Variants in PCDH11X observed in about 807,000 individuals in gnomAD.
PCDH11X encodes the protein protocadherin-11 X-linked.
PCDH11X carries 18 observed loss-of-function variants against 53.3 expected under a neutral mutation model. The observed-to-expected ratio is 0.34, with a 90% CI of 0.23 to 0.50. PCDH11X has a LOEUF of 0.50. Ranked by LOEUF, PCDH11X falls within the 20% of genes least tolerant of loss-of-function variation. The pLI is 0.98. For missense variants in PCDH11X, 570 were observed against 1,032.4 expected, an observed-to-expected ratio of 0.55 and a Z score of 6.14; for synonymous variants, 279 against 393.3, an observed-to-expected ratio of 0.71 and a Z score of 3.44.
intron 5 of PCDH11X, among the ~76,000 whole-genome samples, chrX:91,858,987 T>C (rs1938505424): frequency 9.2e-6 from 1 of 108,778 alleles, no homozygotes; most frequent in Non-Finnish European, 1.9e-5. Flanking sequence ...AGTACCAGTT[T>C]ACTGTATCAG....
chrX:92,365,300 ATAGT>A (rs1406193887), intron 8 of PCDH11X, among the ~76,000 whole-genome samples: 2 of 105,156 alleles, frequency 1.9e-5, no homozygotes, highest in African/African-American at 3.5e-5. Flanking sequence ...AACCAATAAC[ATAGT>A]TATTTATTAT....
chrX:92,245,827 A>C (rs1302466643), intron 7 of PCDH11X, among the ~76,000 whole-genome samples: 1 of 112,054 alleles, frequency 8.9e-6, no homozygotes, highest in Non-Finnish European at 1.9e-5. Context: ...GTAGAGACCT[A>C]AAATGGTTGA....
intron 6 of PCDH11X, among the ~76,000 whole-genome samples, chrX:92,104,799 GGATTGGGGTGCAGAGATAAGA>G (rs2064339739): frequency 1.8e-5 from 2 of 110,338 alleles, no homozygotes; most frequent in Non-Finnish European, 3.8e-5. Context: ...CGGAAATAAG[GGATTGGGGTGCAGAGATAAGA>G]GATTGGGGCG....
At chrX:92,542,032 C>T (rs2074767771) in intron 10 of PCDH11X, among the ~76,000 whole-genome samples, 1 of 111,705 alleles carries the variant, frequency 9.0e-6, no homozygotes, top group Non-Finnish European at 1.9e-5. Context: ...ATACAATTCT[C>T]TGTATTACTT....
chrX:92,112,264 T>C (rs1273957508), intron 6 of PCDH11X, among the ~76,000 whole-genome samples: 1 of 106,905 alleles, frequency 9.4e-6, no homozygotes, highest in African/African-American at 3.4e-5. Flanking sequence ...AGCTACATCA[T>C]AGCAGGCAGG....
At chrX:92,240,742 T>G (rs750536356) in intron 7 of PCDH11X, among the ~76,000 whole-genome samples, 1 of 112,097 alleles carries the variant, frequency 8.9e-6, no homozygotes, top group East Asian at 2.8e-4. Context: ...TTTGGTCAAC[T>G]TTCCCAATCA....
chrX:92,523,138 G>A (rs1356649785), intron 10 of PCDH11X, among the ~76,000 whole-genome samples: 4 of 111,861 alleles, frequency 3.6e-5, no homozygotes, highest in Non-Finnish European at 7.5e-5. Context: ...ACATCAAAGC[G>A]ACAGGCAATC....
intron 8 of PCDH11X, among the ~76,000 whole-genome samples, chrX:92,305,783 G>A (rs2068815138): frequency 9.0e-6 from 1 of 111,149 alleles, no homozygotes; most frequent in African/African-American, 3.3e-5. Context: ...TTGAATGACA[G>A]AGGTACATTC....
intron 6 of PCDH11X, among the ~76,000 whole-genome samples, chrX:92,059,061 C>T (rs2063490155): frequency 9.3e-6 from 1 of 107,191 alleles, no homozygotes; most frequent in Middle Eastern, 4.8e-3. Flanking sequence ...TGATATGATG[C>T]TTCCACAGAG....
intron 10 of PCDH11X, among the ~76,000 whole-genome samples, chrX:92,563,047 G>GTTTTTTTTT (rs61411325): frequency 4.6e-5 from 2 of 43,875 alleles, no homozygotes; most frequent in African/African-American, 9.6e-5. Context: ...CCTTGGTACC[G>GTTTTTTTTT]TTTTTTTTTT....
chrX:92,575,989 TA>T, intron 10 of PCDH11X, among the ~76,000 whole-genome samples: 1 of 39,452 alleles, frequency 2.5e-5, no homozygotes, highest in Admixed American at 2.7e-4. Flanking sequence ...TATATATATA[TA>T]TATATATATA....
chrX:91,846,357 C>T (rs1339647263), intron 5 of PCDH11X, among the ~76,000 whole-genome samples: 1 of 111,257 alleles, frequency 9.0e-6, no homozygotes, highest in African/African-American at 3.3e-5. Context: ...GTGGCTCATG[C>T]CTGTAATCAC....
chrX:92,568,483 A>G (rs1253666904), intron 10 of PCDH11X, among the ~76,000 whole-genome samples: 1 of 108,669 alleles, frequency 9.2e-6, no homozygotes, highest in African/African-American at 3.4e-5. Flanking sequence ...CAATATTCAG[A>G]ATAATTAGAA....
chrX:91,926,644 A>G (rs1024016803), intron 6 of PCDH11X, among the ~76,000 whole-genome samples: 5 of 110,856 alleles, frequency 4.5e-5, no homozygotes, highest in Non-Finnish European at 9.5e-5. Flanking sequence ...ATTGTAATAG[A>G]GTTTTTTGCA....
At chrX:92,089,624 A>G (rs1339208681) in intron 6 of PCDH11X, among the ~76,000 whole-genome samples, 1 of 107,007 alleles carries the variant, frequency 9.3e-6, no homozygotes, top group African/African-American at 3.4e-5. Context: ...CCGGGTTCAA[A>G]CGATTCTCCT....
At chrX:92,273,238 G>A (rs1024226003) in intron 8 of PCDH11X, among the ~76,000 whole-genome samples, 5 of 109,221 alleles carry the variant, frequency 4.6e-5, no homozygotes, top group Non-Finnish European at 9.5e-5. Context: ...GAAGGTAATG[G>A]AAAATTACAG....
intron 6 of PCDH11X, among the ~76,000 whole-genome samples, chrX:92,122,340 T>A (rs994639502): frequency 9.0e-6 from 1 of 111,159 alleles, no homozygotes; most frequent in Non-Finnish European, 1.9e-5. Context: ...ATTATTCCTA[T>A]CCCTGAAATA....
At chrX:92,121,981 G>GTTTTT (rs746833949) in intron 6 of PCDH11X, among the ~76,000 whole-genome samples, 14 of 69,443 alleles carry the variant, frequency 2.0e-4, no homozygotes, top group South Asian at 7.3e-4. Context: ...AGTCATTTCT[G>GTTTTT]TTTTTTTTTT....
At chrX:92,011,489 A>G (rs1347953110) in intron 6 of PCDH11X, among the ~76,000 whole-genome samples, 1 of 112,430 alleles carries the variant, frequency 8.9e-6, no homozygotes, top group Non-Finnish European at 1.9e-5. Context: ...ATGTGTTTCA[A>G]TTTTGATGAG....
Sources: allele counts gnomAD v4.1 joint callset (sites outside exome capture counted in the v4.1 genomes callset), GRCh38; gene constraint gnomAD v4.1.1; transcripts MANE v1.5; gene names NCBI Gene and HGNC (gene_info 2026-07-23, HGNC 2026-07-21).